IQGAP2: variants seen among roughly 807,000 people sequenced by gnomAD.
IQGAP2 encodes IQ motif containing GTPase activating protein 2, also known as ras GTPase-activating-like protein IQGAP2.
In IQGAP2, 173 loss-of-function variants were observed where a neutral mutation model predicts 201.3. That is an observed-to-expected ratio of 0.86 (90% CI 0.76 to 0.98). The LOEUF is 0.98. IQGAP2 is among the 50% of genes least tolerant of loss of function. The probability of loss-of-function intolerance (pLI) is 0.00; values close to 1 mark genes in which losing one functional copy is unlikely to be tolerated. For synonymous variants in IQGAP2, 675 were observed against 673.9 expected (o/e 1.00, Z -0.03); for missense variants, 1,687 against 1,864.8 (o/e 0.90, Z 1.76).
chr5:76,602,273 G>A (rs1345070694), intron 11 of IQGAP2, among the ~76,000 whole-genome samples: 2 of 152,168 alleles, frequency 1.3e-5, no homozygotes, highest in Non-Finnish European at 2.9e-5. Flanking sequence ...CTTTCTCAGT[G>A]CTAGAGTAGA....
intron 2 of IQGAP2, among the ~76,000 whole-genome samples, chr5:76,538,886 G>A (rs1339280997): frequency 3.3e-5 from 5 of 152,150 alleles, no homozygotes; most frequent in South Asian, 4.1e-4. Flanking sequence ...TATTTAACTC[G>A]CCAAGCGGAG....
chr5:76,632,018 C>T lies in IQGAP2; in HGVS notation c.1772C>T (p.Ser591Phe), dbSNP rs972550234. ...DALVKAKELK[S>F]ERVSSDGSWL... ...CTTGTGAAGGCAAAAGAGCTCAAAT[C>T]TGAAAGAGGTAAGTTGGTTTGTTAC... Residue 591 changes from serine to phenylalanine, a missense_variant, in exon 15 of 36, where the codon TCT becomes TTT. Physicochemically the swap from Ser to Phe is radical, Grantham distance 155 (BLOSUM62 -2). Coordinates refer to ENST00000274364, the MANE Select transcript of IQGAP2 (RefSeq NM_006633.5). The T allele has an allele frequency of 8.1e-6, 13 of 1,603,560 alleles. No individual in the cohort carries two copies. The Admixed American group carries it at 2.2e-4, about 28-fold the overall frequency.
rs138725566 is a variant in IQGAP2, at chr5:76,494,289, C to T, written c.146+32620C>T. Among the ~76,000 whole-genome samples, 1,204 of 152,184 alleles carry T rather than the reference C, an allele frequency of 7.9e-3. 5 individuals are homozygous for T. Among genetic ancestry groups the T allele is most frequent in the African/African-American group, 0.016 (676 of 41,518 alleles). Reference sequence around the variant, plus strand: ...ATAATTAGAAAAGAAAATTTGAAAGCGACTTTTCAAATAAAAGAAATGTGG... The same window carrying T: ...ATAATTAGAAAAGAAAATTTGAAAGTGACTTTTCAAATAAAAGAAATGTGG... On this transcript the variant is annotated intron_variant, in intron 2 of 35. Transcript: ENST00000274364.
intron 21 of IQGAP2, among the ~76,000 whole-genome samples, chr5:76,664,377 A>G (rs187052253): frequency 6.6e-6 from 1 of 152,348 alleles, no homozygotes; most frequent in Admixed American, 6.5e-5. Flanking sequence ...AAACAATTAC[A>G]ATAGTAACAT....
chr5:76,507,648 TAAA>T (rs1371867503), intron 2 of IQGAP2, among the ~76,000 whole-genome samples: 1 of 152,186 alleles, frequency 6.6e-6, no homozygotes, highest in Non-Finnish European at 1.5e-5. Flanking sequence ...ATATATCTGA[TAAA>T]AGACTGTTTT....
intron 15 of IQGAP2, among the ~76,000 whole-genome samples, chr5:76,632,565 G>T (rs1175914269): frequency 6.6e-6 from 1 of 152,116 alleles, no homozygotes; most frequent in Admixed American, 6.6e-5. Context: ...TTTCAGATTT[G>T]GAAGTTCACA....
chr5:76,551,127 G>A (rs1329345286), intron 2 of IQGAP2, among the ~76,000 whole-genome samples: 20 of 149,352 alleles, frequency 1.3e-4, no homozygotes, highest in African/African-American at 4.7e-4. Flanking sequence ...TCACTTCTCA[G>A]ATGGGGCGGC....
intron 2 of IQGAP2, among the ~76,000 whole-genome samples, chr5:76,522,731 G>A (rs1371604849): frequency 6.6e-6 from 1 of 152,156 alleles, no homozygotes; most frequent in African/African-American, 2.4e-5. Context: ...AGCAGAGATA[G>A]TATGGTAGAG....
At chr5:76,645,000 G>T (rs1580707981) in intron 17 of IQGAP2, among the ~76,000 whole-genome samples, 1 of 151,804 alleles carries the variant, frequency 6.6e-6, no homozygotes, top group East Asian at 1.9e-4. Context: ...CCCTCCCCTA[G>T]TTCCCCACCC....
chr5:76,548,023 C>G (rs1457163225), intron 2 of IQGAP2, among the ~76,000 whole-genome samples: 1 of 152,158 alleles, frequency 6.6e-6, no homozygotes, highest in South Asian at 2.1e-4. Flanking sequence ...ACTTGCCTAC[C>G]TCCTTTTAAT....
At chr5:76,502,363 C>T (rs1055407399) in intron 2 of IQGAP2, among the ~76,000 whole-genome samples, 7 of 152,220 alleles carry the variant, frequency 4.6e-5, no homozygotes, top group African/African-American at 1.7e-4. Context: ...TTAATATAAG[C>T]ATCACCTTCA....
chr5:76,651,101 T>C (rs937256171), intron 17 of IQGAP2, among the ~76,000 whole-genome samples: 7 of 152,162 alleles, frequency 4.6e-5, no homozygotes, highest in African/African-American at 1.4e-4. Context: ...TGTCCACCGA[T>C]TGACATATGG....
chr5:76,416,016 T>C (rs2150075536), intron 1 of IQGAP2, among the ~76,000 whole-genome samples: 1 of 151,670 alleles, frequency 6.6e-6, no homozygotes, highest in Non-Finnish European at 1.5e-5. Context: ...AATCAACTAG[T>C]GTCCATGGGG....
intron 2 of IQGAP2, among the ~76,000 whole-genome samples, chr5:76,521,241 T>G (rs1228448057): frequency 2.0e-5 from 3 of 152,226 alleles, no homozygotes; most frequent in Non-Finnish European, 4.4e-5. Flanking sequence ...TATTTAGTGT[T>G]GGACCCAGGC....
Position 76,623,406 on chromosome 5 carries a change from T to C in IQGAP2, c.1522-4004T>C, listed in dbSNP as rs2069647. The C allele has an allele frequency of 8.7e-5, 56 of 644,726 alleles. No homozygotes were observed. The East Asian group carries it at 9.9e-4, about 11-fold the overall frequency. The allele number at this position is 644,726 out of a possible 1,614,324, so 39.9% of individuals were successfully genotyped here. Reference sequence around the variant, plus strand: ...GCCCTGGTCCTCCGCAGGGAAAGGATGTAATCCACTCGATGCTTCAGTAAG... The same window carrying C: ...GCCCTGGTCCTCCGCAGGGAAAGGACGTAATCCACTCGATGCTTCAGTAAG... On this transcript the variant is annotated intron_variant, in intron 13 of 35. Transcript: ENST00000274364.
chr5:76,532,722 G>T (rs1759384469), intron 2 of IQGAP2, among the ~76,000 whole-genome samples: 1 of 152,150 alleles, frequency 6.6e-6, no homozygotes, highest in Non-Finnish European at 1.5e-5. Flanking sequence ...CCTGAAACAA[G>T]CCCTGGACTG....
rs540240479 is a variant in IQGAP2, at chr5:76,669,274, A to C, written c.2843+430A>C. ...CAGTTAATGTAAAAATTGTATAGGT[A>C]GCTATAATGAGTGGGCTGAGAAACA... On this transcript the variant is annotated intron_variant, in intron 23 of 35. Coordinates refer to ENST00000274364, the MANE Select transcript of IQGAP2 (RefSeq NM_006633.5). Among the ~76,000 whole-genome samples the C allele has an allele frequency of 1.5e-3, 232 of 152,314 alleles. 1 individual carries two copies. The highest frequency in any genetic ancestry group is 1.9e-3 in the Non-Finnish European group (127 of 68,024).
At position 76,403,779 on chromosome 5, in the gene IQGAP2, C is replaced by T. The variant is rs1294881624; in HGVS notation, c.46+188C>T. Reference sequence around the variant, plus strand: ...GAATCGCGTCCCCCCGCTCCTCCCGCCCCCCAATTCCTAATATCCAGCTGG... The same window carrying T: ...GAATCGCGTCCCCCCGCTCCTCCCGTCCCCCAATTCCTAATATCCAGCTGG... On this transcript the variant is annotated intron_variant, in intron 1 of 35. Coordinates refer to ENST00000274364, the MANE Select transcript of IQGAP2 (RefSeq NM_006633.5). This position sits in a 1 kb window ranked among gnomAD's most constrained non-coding sequence, Gnocchi z 4.8. 6.6e-6 allele frequency among the ~76,000 whole-genome samples: 1 copy of T among 152,092 alleles called. No individual in the cohort carries two copies. Among genetic ancestry groups the T allele is most frequent in the African/African-American group, 2.4e-5 (1 of 41,426 alleles).
At chr5:76,642,886 G>A (rs940136377) in intron 17 of IQGAP2, among the ~76,000 whole-genome samples, 6 of 152,186 alleles carry the variant, frequency 3.9e-5, no homozygotes, top group Non-Finnish European at 5.9e-5. Flanking sequence ...TCAACATCCA[G>A]CATTCTGTCT....
Sources: allele counts gnomAD v4.1 joint callset (sites outside exome capture counted in the v4.1 genomes callset), GRCh38; gene constraint gnomAD v4.1.1; non-coding constraint Gnocchi (gnomAD v3.1); transcripts MANE v1.5; gene names NCBI Gene and HGNC (gene_info 2026-07-23, HGNC 2026-07-21).